Variants in NRSN1 observed in about 807,000 individuals in gnomAD.
NRSN1 encodes neurensin-1.
A neutral mutation model predicts 17.3 loss-of-function variants in NRSN1; 14 were observed. The ratio of observed to expected loss-of-function variants is 0.81; its 90% CI spans 0.54 to 1.27. NRSN1 has a LOEUF of 1.27. Among genes scored for constraint, NRSN1 ranks in the 50% most tolerant of loss-of-function variants. The probability of loss-of-function intolerance (pLI) is 0.00; values close to 1 mark genes in which losing one functional copy is unlikely to be tolerated. For missense variants in NRSN1, 209 were observed against 235.9 expected (o/e 0.89, Z 0.75); for synonymous variants, 79 against 94.2 (o/e 0.84, Z 0.93).
chr6:24,133,654 A>C (rs1760070730), intron 2 of NRSN1, among the ~76,000 whole-genome samples: 1 of 152,190 alleles, frequency 6.6e-6, no homozygotes, highest in Non-Finnish European at 1.5e-5. Context: ...GCAATAAAAA[A>C]TCTCAGCTTC....
intron 3 of NRSN1, among the ~76,000 whole-genome samples, chr6:24,143,852 A>G (rs1760259428): frequency 6.6e-6 from 1 of 152,246 alleles, no homozygotes; most frequent in Admixed American, 6.5e-5. Flanking sequence ...TAGTCCTCAC[A>G]AGTCCTCTAT....
In NRSN1 at chr6:24,130,904, T is replaced by C. The variant is rs571902310; in HGVS notation, c.-10+2704T>C. Among the ~76,000 whole-genome samples the C allele has an allele frequency of 1.1e-3, 174 of 152,294 alleles. 1 individual carries two copies. Among genetic ancestry groups the C allele is most frequent in the Non-Finnish European group, 2.1e-3 (141 of 68,006 alleles). ...TTAATCTGGTCCAACCCTCTTACTT[T>C]AAGGATGATGAAACCATAGCCCAGA... On this transcript the variant is annotated intron_variant, in intron 2 of 3. Coordinates refer to ENST00000378491, the MANE Select transcript of NRSN1 (RefSeq NM_080723.5).
At chr6:24,132,259 C>A (rs1424789889) in intron 2 of NRSN1, among the ~76,000 whole-genome samples, 1 of 152,222 alleles carries the variant, frequency 6.6e-6, no homozygotes, top group Non-Finnish European at 1.5e-5. Flanking sequence ...GAATTGCTGA[C>A]TATCCCTGGT....
In NRSN1 at chr6:24,145,833, G is replaced by A. The variant is rs577870047; in HGVS notation, c.475G>A (p.Ala159Thr). 1.4e-4 allele frequency: 234 copies of A among 1,614,176 alleles called. 3 individuals are homozygous for A. In the South Asian group the frequency reaches 2.3e-3, roughly 16 times the overall value. Residue 159 changes from alanine to threonine, a missense_variant, in exon 4 of 4, where the codon GCA becomes ACA. Ala to Thr is a moderately conservative substitution (Grantham distance 58, BLOSUM62 0). Transcript: ENST00000378491. This position sits in a 1 kb window ranked among gnomAD's most constrained non-coding sequence, Gnocchi z 4.4. ...FLQQKFKERI[A>T]DIKAHTQPVT... ...CCAGCAGAAGTTTAAAGAACGAATC[G>A]CAGACATCAAAGCCCACACCCAGCC...
chr6:24,129,819 G>C (rs898747433), intron 2 of NRSN1: 4 of 152,178 alleles, frequency 2.6e-5, no homozygotes, highest in Non-Finnish European at 5.9e-5. Context: ...TCATTTATCA[G>C]CAAGTAGAGC....
intron 2 of NRSN1, 24 bp from the exon 3 acceptor site, chr6:24,134,295 T>C: frequency 6.2e-7 from 1 of 1,601,302 alleles, no homozygotes; most frequent in Non-Finnish European, 8.5e-7. Context: ...GTGGCATTAA[T>C]CCATGTGGAT....
intron 2 of NRSN1, among the ~76,000 whole-genome samples, chr6:24,132,246 A>C (rs1043930532): frequency 3.9e-5 from 6 of 152,234 alleles, no homozygotes; most frequent in Non-Finnish European, 7.3e-5. Context: ...CCCACTGCAC[A>C]AGGAATTGCT....
At chr6:24,143,911 G>A (rs1760260155) in intron 3 of NRSN1, among the ~76,000 whole-genome samples, 1 of 152,204 alleles carries the variant, frequency 6.6e-6, no homozygotes, top group Non-Finnish European at 1.5e-5. Context: ...GGAAATTAAT[G>A]ACAAGAGCTT....
chr6:24,132,971 T>C (rs1760060010), intron 2 of NRSN1, among the ~76,000 whole-genome samples: 1 of 152,208 alleles, frequency 6.6e-6, no homozygotes, highest in African/African-American at 2.4e-5. Flanking sequence ...TATTTGCTTA[T>C]ATGGAGATCA....
intron 3 of NRSN1, among the ~76,000 whole-genome samples, chr6:24,137,523 G>GT (rs201430698): frequency 1.6e-3 from 246 of 150,916 alleles, no homozygotes; most frequent in African/African-American, 5.5e-3. Context: ...GATTGTTGTT[G>GT]TTTTTTTTTA....
rs371414850 is a variant in NRSN1, at chr6:24,145,872, C to G, written c.514C>G (p.Pro172Ala). 20 of 1,614,068 alleles carry G rather than the reference C, an allele frequency of 1.2e-5. No homozygotes were observed. The highest frequency in any genetic ancestry group is 4.0e-5 in the African/African-American group (3 of 74,936). ...KAHTQPVTKA[P>A]GPGETKIPVT... Reference sequence around the variant, plus strand: ...CCACACCCAGCCGGTTACAAAAGCTCCAGGGCCAGGGGAAACAAAGATTCC... The same window carrying G: ...CCACACCCAGCCGGTTACAAAAGCTGCAGGGCCAGGGGAAACAAAGATTCC... Residue 172 changes from proline to alanine, a missense_variant, in exon 4 of 4, where the codon CCA becomes GCA. Physicochemically the swap from Pro to Ala is conservative, Grantham distance 27. Coordinates refer to ENST00000378491, the MANE Select transcript of NRSN1 (RefSeq NM_080723.5). The surrounding 1 kb of genome is among the most constrained non-coding windows in gnomAD (Gnocchi z 4.4).
chr6:24,130,649 C>CGAACATTTA (rs1295073378), intron 2 of NRSN1, among the ~76,000 whole-genome samples: 8 of 152,076 alleles, frequency 5.3e-5, no homozygotes, highest in Admixed American at 6.6e-5. Context: ...AAACAACATA[C>CGAACATTTA]GAACATTTAG....
In NRSN1 at chr6:24,126,602, G is replaced by A. The variant is rs1306857545; in HGVS notation, c.-83+262G>A. Among the ~76,000 whole-genome samples, 9 of 152,264 alleles carry A rather than the reference G, an allele frequency of 5.9e-5. No homozygotes were observed. In the South Asian group the frequency reaches 1.9e-3, roughly 32 times the overall value. On this transcript the variant is annotated intron_variant, in intron 1 of 3. Transcript: ENST00000378491. ...TTTGGTGGTTTGTGGTTTGTGTTAT[G>A]TAAGAATTTGGGGGGTGGGGCACGA...
At chr6:24,141,348 C>A in intron 3 of NRSN1, 1 of 905,992 alleles carries the variant, frequency 1.1e-6, no homozygotes, top group Non-Finnish European at 1.4e-6. Flanking sequence ...CAAGACTAAG[C>A]TGATGAGTCC....
chr6:24,145,801 A>C lies in NRSN1; in HGVS notation c.443A>C (p.Lys148Thr), dbSNP rs1378977823. 6.2e-7 allele frequency: 1 copy of C among 1,614,140 alleles called. No homozygotes were observed. Among genetic ancestry groups the C allele is most frequent in the East Asian group, 2.2e-5 (1 of 44,878 alleles). The change falls in exon 4 of 4, where the codon AAA (lysine) becomes ACA (threonine). Residue 148 changes from lysine (K) to threonine (T), a missense_variant. By Grantham distance (78) the Lys-to-Thr change is moderately conservative. Transcript: ENST00000378491. The surrounding 1 kb of genome is among the most constrained non-coding windows in gnomAD (Gnocchi z 4.4). ...VFVKSYSKEE[K>T]FLQQKFKERI... ...GTAAAGAGCTACTCCAAAGAAGAAA[A>C]ATTCCTCCAGCAGAAGTTTAAAGAA... is the stretch of plus-strand genomic sequence containing the variant.
intron 2 of NRSN1, among the ~76,000 whole-genome samples, chr6:24,133,780 T>C (rs777904599): frequency 6.6e-5 from 10 of 152,210 alleles, no homozygotes; most frequent in Non-Finnish European, 1.0e-4. Context: ...AGTGTTTAGG[T>C]AATCTTGCAT....
intron 3 of NRSN1, among the ~76,000 whole-genome samples, chr6:24,142,706 A>T (rs1347942520): frequency 6.6e-6 from 1 of 152,052 alleles, no homozygotes; most frequent in Non-Finnish European, 1.5e-5. Context: ...CTCCCGGTGG[A>T]TTTCTGGTCT....
In NRSN1 at chr6:24,130,649, C is replaced by G. The variant is rs145014498; in HGVS notation, c.-10+2449C>G. Among the ~76,000 whole-genome samples the G allele has an allele frequency of 3.9e-5, 6 of 152,076 alleles. No individual in the cohort carries two copies. The East Asian group carries it at 9.6e-4, about 24-fold the overall frequency. ...CTGAAGTAACTTGTTAAACAACATA[C>G]GAACATTTAGTCTACCTAGTAGCAA... is the stretch of plus-strand genomic sequence containing the variant. On this transcript the variant is annotated intron_variant, in intron 2 of 3. Coordinates refer to ENST00000378491, the MANE Select transcript of NRSN1 (RefSeq NM_080723.5).
intron 2 of NRSN1, among the ~76,000 whole-genome samples, 159 bp from the exon 3 acceptor site, chr6:24,134,160 C>T (rs969673718): frequency 1.3e-5 from 2 of 152,116 alleles, no homozygotes; most frequent in Non-Finnish European, 2.9e-5. Flanking sequence ...CACTGCGCCC[C>T]GCCAAGAGAG....
Sources: gnomAD v4.1 joint callset for allele counts (sites outside exome capture counted in the v4.1 genomes callset) on GRCh38, gnomAD v4.1.1 for gene constraint, Gnocchi (gnomAD v3.1) non-coding constraint, MANE v1.5 for transcripts, NCBI Gene and HGNC (gene_info 2026-07-23, HGNC 2026-07-21) for gene names.